Variants in CDKL1 observed in about 807,000 individuals in gnomAD.
CDKL1 encodes the protein cyclin-dependent kinase-like 1.
CDKL1 carries 41 observed loss-of-function variants against 42.0 expected under a neutral mutation model. The ratio of observed to expected loss-of-function variants is 0.98; its 90% CI spans 0.76 to 1.27. The LOEUF is 1.27. Ranked by LOEUF, CDKL1 falls within the 50% of genes most tolerant of loss-of-function variation. The pLI, the probability that CDKL1 is intolerant of heterozygous loss-of-function variation, is 0.00. For missense variants in CDKL1, 394 were observed against 428.4 expected (o/e 0.92, Z 0.71); for synonymous variants, 153 against 158.6 (o/e 0.96, Z 0.26).
intron 2 of CDKL1, among the ~76,000 whole-genome samples, chr14:50,368,070 T>C (rs1245267507): frequency 1.3e-5 from 2 of 152,224 alleles, no homozygotes; most frequent in African/African-American, 4.8e-5. Flanking sequence ...GTGATCCTCC[T>C]GCCTCAGCCT....
chr14:50,387,157 T>A (rs1365104466), intron 2 of CDKL1, among the ~76,000 whole-genome samples: 1 of 132,110 alleles, frequency 7.6e-6, no homozygotes, highest in Non-Finnish European at 1.5e-5. Context: ...CGGTGAGCCA[T>A]CATTGCCCCA....
intron 2 of CDKL1, among the ~76,000 whole-genome samples, chr14:50,359,993 A>C (rs779263237): frequency 1.3e-5 from 2 of 152,026 alleles, no homozygotes; most frequent in Non-Finnish European, 2.9e-5. Flanking sequence ...AAAACATATC[A>C]ATCATGGAGT....
rs376864503 is a variant in CDKL1, at chr14:50,389,017, T to G, written c.168+6684A>C. Among the ~76,000 whole-genome samples, 124 of 146,466 alleles carry G rather than the reference T, an allele frequency of 8.5e-4. 3 individuals carry two copies. The South Asian group carries it at 0.025, about 30-fold the overall frequency. Reference sequence around the variant, plus strand: ...GGGAGGCTAAGGCAGGATAATCGCTTGAACCCAGGAGGCAGAGGTTGCAGT... The same window carrying G: ...GGGAGGCTAAGGCAGGATAATCGCTGGAACCCAGGAGGCAGAGGTTGCAGT... On this transcript the variant is annotated intron_variant, in intron 2 of 9. Coordinates refer to ENST00000395834, the MANE Select transcript of CDKL1 (RefSeq NM_004196.7).
At chr14:50,360,280 T>A (rs2034197002) in intron 2 of CDKL1, among the ~76,000 whole-genome samples, 1 of 152,220 alleles carries the variant, frequency 6.6e-6, no homozygotes, top group South Asian at 2.1e-4. Flanking sequence ...GAAATCATAT[T>A]GTGCAACCAT....
rs767359644 is a variant in CDKL1 at position 50,341,016 on chromosome 14, C to G, written c.655+16G>C. The G allele has an allele frequency of 6.2e-7, 1 of 1,608,982 alleles. No homozygotes were observed. Among genetic ancestry groups the G allele is most frequent in the Non-Finnish European group, 8.5e-7 (1 of 1,179,834 alleles). ...ATATCCAGTTTTCCAAAAGGTGGGACAAAAACACCACTTACCCAAGGTCTT... is the reference window on the plus strand; with the variant it reads ...ATATCCAGTTTTCCAAAAGGTGGGAGAAAAACACCACTTACCCAAGGTCTT... On this transcript the variant is annotated intron_variant, in intron 6 of 9. Coordinates refer to ENST00000395834, the MANE Select transcript of CDKL1 (RefSeq NM_004196.7).
chr14:50,378,854 CTTT>C (rs140548824), intron 2 of CDKL1, among the ~76,000 whole-genome samples: 3 of 139,018 alleles, frequency 2.2e-5, no homozygotes, highest in African/African-American at 2.6e-5. Context: ...TCAAGACAAT[CTTT>C]TTTTTTTTTT....
intron 4 of CDKL1, chr14:50,342,991 C>T (rs565486455): frequency 1.0e-5 from 14 of 1,355,624 alleles, no homozygotes; most frequent in Admixed American, 9.8e-5. Context: ...TGCGGCCCCC[C>T]CTCCAGAATT....
chr14:50,332,640 G>A lies in CDKL1; in HGVS notation c.796-208C>T, dbSNP rs1393166257. 3.9e-6 allele frequency: 6 copies of A among 1,523,474 alleles called. No homozygotes were observed. The South Asian group carries it at 7.2e-5, about 18-fold the overall frequency. The allele number at this position is 1,523,474 out of a possible 1,614,324, so 94.4% of individuals were successfully genotyped here. On this transcript the variant is annotated intron_variant, in intron 8 of 9. Coordinates refer to ENST00000395834, the MANE Select transcript of CDKL1 (RefSeq NM_004196.7). The stretch of plus-strand genomic sequence containing the variant: ...ATAAATAGTTTCTAGAAGTAGTAAT[G>A]AAAAATCATTTTCTCCACCTTATTC...
At chr14:50,339,746 C>T (rs1321055951) in intron 6 of CDKL1, among the ~76,000 whole-genome samples, 1 of 152,062 alleles carries the variant, frequency 6.6e-6, no homozygotes, top group Non-Finnish European at 1.5e-5. Context: ...CTAGGAAGCT[C>T]CTCCTGCCCA....
intron 2 of CDKL1, among the ~76,000 whole-genome samples, chr14:50,383,724 A>G (rs2034992284): frequency 6.6e-6 from 1 of 152,154 alleles, no homozygotes; most frequent in South Asian, 2.1e-4. Flanking sequence ...TTGCTCTGTG[A>G]CATTTGTTTT....
intron 3 of CDKL1, chr14:50,357,981 C>A (rs578208167): frequency 1.6e-6 from 2 of 1,218,184 alleles, no homozygotes; most frequent in African/African-American, 1.6e-5. Flanking sequence ...CCTGAAAACA[C>A]CCAGCTGAGG....
intron 6 of CDKL1, among the ~76,000 whole-genome samples, chr14:50,340,147 A>G (rs1427697803): frequency 6.6e-6 from 1 of 152,210 alleles, no homozygotes; most frequent in Non-Finnish European, 1.5e-5. Context: ...AACACAGCCA[A>G]GAAAGGCTGA....
intron 8 of CDKL1, chr14:50,332,820 CAT>C (rs2033035063): frequency 1.6e-6 from 1 of 634,920 alleles, no homozygotes. Flanking sequence ...GATATTTACA[CAT>C]GATAACAAAT....
At chr14:50,370,347 G>A (rs2034557131) in intron 2 of CDKL1, among the ~76,000 whole-genome samples, 1 of 152,214 alleles carries the variant, frequency 6.6e-6, no homozygotes. Flanking sequence ...AGGATTACAG[G>A]CGTGAGCCCC....
intron 2 of CDKL1, among the ~76,000 whole-genome samples, chr14:50,392,490 A>ATAG (rs1371039932): frequency 9.2e-6 from 1 of 108,262 alleles, no homozygotes; most frequent in African/African-American, 3.8e-5. Context: ...AATAATAATA[A>ATAG]TGAAAGAACA....
intron 5 of CDKL1, 57 bp downstream of exon 5, chr14:50,342,075 T>C (rs1324175763): frequency 7.6e-6 from 10 of 1,319,144 alleles, no homozygotes; most frequent in East Asian, 4.7e-5. Context: ...AGATCCTTTG[T>C]TGTATCAAGA....
chr14:50,344,468 G>GTTTTTTTTTTTTTTTTTTTTTTTTTTGT (rs138592023), intron 4 of CDKL1, among the ~76,000 whole-genome samples: 1 of 130,880 alleles, frequency 7.6e-6, no homozygotes. Flanking sequence ...GTTCTTTGTG[G>GTTTTTTTTTTTTTTTTTTTTTTTTTTGT]TTTTTTTTTT....
intron 2 of CDKL1, among the ~76,000 whole-genome samples, chr14:50,394,738 T>C (rs2035350383): frequency 6.6e-6 from 1 of 152,238 alleles, no homozygotes. Flanking sequence ...ACAGAAGTTC[T>C]GTAAAGTAGT....
At chr14:50,344,461 C>G (rs1410454875) in intron 4 of CDKL1, among the ~76,000 whole-genome samples, 2 of 117,422 alleles carry the variant, frequency 1.7e-5, no homozygotes, top group Admixed American at 1.1e-4. Flanking sequence ...ATTTTTTGTT[C>G]TTTGTGGTTT....
Sources: gnomAD v4.1 joint callset for allele counts (sites outside exome capture counted in the v4.1 genomes callset) on GRCh38, gnomAD v4.1.1 for gene constraint, MANE v1.5 for transcripts, NCBI Gene and HGNC (gene_info 2026-07-23, HGNC 2026-07-21) for gene names.